CACNA2D1: variants seen among roughly 807,000 people sequenced by gnomAD.
CACNA2D1 encodes the protein calcium voltage-gated channel auxiliary subunit alpha2delta 1.
Under a neutral mutation model 171.5 loss-of-function variants are expected in CACNA2D1, and 53 were observed. That is an observed-to-expected ratio of 0.31 (90% confidence interval 0.25 to 0.39). The LOEUF is 0.39. Ranked by LOEUF, CACNA2D1 falls within the 10% of genes least tolerant of loss-of-function variation. The pLI, the probability that CACNA2D1 is intolerant of heterozygous loss-of-function variation, is 1.00. For missense variants in CACNA2D1, 903 were observed against 1,299.8 expected (o/e 0.69, Z 4.69); for synonymous variants, 442 against 443.1 (o/e 1.00, Z 0.03).
Position 82,211,832 on chromosome 7 carries a change from C to T in CACNA2D1, c.295-41223G>A, listed in dbSNP as rs193007728. 1.8e-4 allele frequency among the ~76,000 whole-genome samples: 27 copies of T among 152,280 alleles called. No homozygotes were observed. The East Asian group carries it at 5.2e-3, about 29-fold the overall frequency. ...CTAATTTACATTCCCACTGGCAGTA[C>T]ATAAACGTTCCCTTTCTCTGCAACC... On this transcript the variant is annotated intron_variant, in intron 3 of 38. Coordinates refer to ENST00000356860, the MANE Select transcript of CACNA2D1 (RefSeq NM_000722.4).
intron 1 of CACNA2D1, among the ~76,000 whole-genome samples, chr7:82,351,648 T>C (rs1450350660): frequency 6.6e-6 from 1 of 152,002 alleles, no homozygotes; most frequent in African/African-American, 2.4e-5. Context: ...TAGAGAAAAA[T>C]TGTTATAATA....
At chr7:82,217,557 T>C (rs1801279831) in intron 3 of CACNA2D1, among the ~76,000 whole-genome samples, 2 of 150,252 alleles carry the variant, frequency 1.3e-5, no homozygotes, top group Admixed American at 6.6e-5. Flanking sequence ...CAAGTAGAAC[T>C]ATAATTTCAG....
chr7:81,964,489 A>G (rs1794493434), intron 32 of CACNA2D1, 130 bp from the exon 33 acceptor site: 1 of 694,990 alleles, frequency 1.4e-6, no homozygotes, highest in Admixed American at 2.7e-5. Context: ...CTTAAAAACA[A>G]AAGCAAATGA....
intron 6 of CACNA2D1, among the ~76,000 whole-genome samples, chr7:82,087,205 G>A (rs1423931242): frequency 6.6e-6 from 1 of 152,108 alleles, no homozygotes; most frequent in African/African-American, 2.4e-5. Context: ...ACACTTCCAT[G>A]TGTTAGTATA....
At chr7:82,275,738 T>C (rs1809235384) in intron 3 of CACNA2D1, among the ~76,000 whole-genome samples, 1 of 152,110 alleles carries the variant, frequency 6.6e-6, no homozygotes, top group Non-Finnish European at 1.5e-5. Flanking sequence ...AAAACATTTA[T>C]CTTATAAGCA....
intron 3 of CACNA2D1, among the ~76,000 whole-genome samples, chr7:82,180,051 C>A (rs1796956422): frequency 6.6e-6 from 1 of 152,110 alleles, no homozygotes; most frequent in South Asian, 2.1e-4. Context: ...CAATTTCAAT[C>A]ACCATATTGA....
chr7:82,064,768 C>CA (rs1353648724), intron 8 of CACNA2D1, among the ~76,000 whole-genome samples: 4 of 151,692 alleles, frequency 2.6e-5, no homozygotes, highest in South Asian at 2.1e-4. Flanking sequence ...TTAGGAACAT[C>CA]AAAAAGCAAT....
intron 1 of CACNA2D1, among the ~76,000 whole-genome samples, chr7:82,401,714 GAA>G (rs145321366): frequency 6.7e-6 from 1 of 149,918 alleles, no homozygotes; most frequent in Non-Finnish European, 1.5e-5. Context: ...AATAATAAAA[GAA>G]AAAAAAAGAA....
chr7:82,161,794 G>A (rs34388624), intron 4 of CACNA2D1, among the ~76,000 whole-genome samples: 43,409 of 151,860 alleles, frequency 0.29, 6,281 homozygotes, highest in Middle Eastern at 0.37. Flanking sequence ...TCAGAAAAGA[G>A]GTTTGGGTGT....
At chr7:82,016,638 T>G (rs1053837514) in intron 12 of CACNA2D1, among the ~76,000 whole-genome samples, 5 of 128,088 alleles carry the variant, frequency 3.9e-5, no homozygotes, top group Non-Finnish European at 8.0e-5. Context: ...AAAAGCTTGT[T>G]GCTTTATTTA....
chr7:81,968,860 GT>G (rs752427247), intron 29 of CACNA2D1, 26 bp downstream of exon 29: 1 of 1,139,498 alleles, frequency 8.8e-7, no homozygotes, highest in Non-Finnish European at 1.3e-6. Context: ...TTTTGATTGT[GT>G]TTTTGTATTT....
At chr7:81,979,098 T>C (rs1796180138) in intron 24 of CACNA2D1, among the ~76,000 whole-genome samples, 1 of 152,022 alleles carries the variant, frequency 6.6e-6, no homozygotes, top group Non-Finnish European at 1.5e-5. Context: ...TATTGTTCCA[T>C]TTATACGACG....
intron 3 of CACNA2D1, among the ~76,000 whole-genome samples, chr7:82,286,294 T>C (rs10225257): frequency 0.11 from 16,496 of 152,026 alleles, 2,921 homozygotes; most frequent in African/African-American, 0.37. Context: ...TCACTGTCCC[T>C]GTTGGTGCTT....
chr7:82,113,959 C>A (rs370804686), intron 6 of CACNA2D1, among the ~76,000 whole-genome samples: 2 of 152,212 alleles, frequency 1.3e-5, no homozygotes, highest in East Asian at 3.9e-4. Flanking sequence ...AAAGACAGAG[C>A]TTCTTTTAAT....
intron 3 of CACNA2D1, among the ~76,000 whole-genome samples, chr7:82,195,573 T>C (rs1208283658): frequency 1.3e-5 from 2 of 151,898 alleles, no homozygotes; most frequent in Non-Finnish European, 2.9e-5. Context: ...AAATTGCCTT[T>C]CTTCTTTGCC....
chr7:82,202,218 G>A (rs140769681), intron 3 of CACNA2D1, among the ~76,000 whole-genome samples: 7 of 152,294 alleles, frequency 4.6e-5, no homozygotes, highest in East Asian at 1.9e-4. Flanking sequence ...ACCCAGGCGC[G>A]TACCCATGAC....
chr7:82,021,886 G>A (rs572974029), intron 12 of CACNA2D1, among the ~76,000 whole-genome samples: 1 of 151,964 alleles, frequency 6.6e-6, no homozygotes, highest in African/African-American at 2.4e-5. Context: ...GAAGAGAGCA[G>A]CAGAAAAACC....
chr7:82,371,075 A>C (rs900870652), intron 1 of CACNA2D1, among the ~76,000 whole-genome samples: 3 of 152,200 alleles, frequency 2.0e-5, no homozygotes, highest in Non-Finnish European at 4.4e-5. Context: ...TAGTGTAAGC[A>C]GGAGATGGGT....
intron 15 of CACNA2D1, among the ~76,000 whole-genome samples, chr7:82,008,935 T>C (rs1372508851): frequency 6.6e-6 from 1 of 152,070 alleles, no homozygotes; most frequent in Non-Finnish European, 1.5e-5. Flanking sequence ...TACCAAATTA[T>C]TTGCAGCAAA....
Sources: gnomAD v4.1 joint callset for allele counts (sites outside exome capture counted in the v4.1 genomes callset) on GRCh38, gnomAD v4.1.1 for gene constraint, MANE v1.5 for transcripts, NCBI Gene and HGNC (gene_info 2026-07-23, HGNC 2026-07-21) for gene names.